OR10K2: variants seen among roughly 807,000 people sequenced by gnomAD.
OR10K2 encodes the protein olfactory receptor family 10 subfamily K member 2.
For synonymous variants in OR10K2, 169 were observed against 146.4 expected (o/e 1.15, Z -1.11); for missense variants, 401 against 367.1 (o/e 1.09, Z -0.76).
intron 1 of OR10K2, among the ~76,000 whole-genome samples, chr1:158,424,796 G>A (rs1450022005): frequency 2.0e-5 from 3 of 150,280 alleles, no homozygotes; most frequent in Admixed American, 1.3e-4. Flanking sequence ...TCTCCTTCCA[G>A]ATAAAGCTAT....
At position 158,420,070 on chromosome 1, in the gene OR10K2, T is replaced by A; in HGVS notation, c.797A>T (p.Tyr266Phe). 1 of 1,613,380 alleles carries A rather than the reference T, an allele frequency of 6.2e-7. No homozygotes were observed. The highest frequency in any genetic ancestry group is 8.5e-7 in the Non-Finnish European group (1 of 1,179,760). ...SFIYLRPQSN[Y>F]SSSQDALISV... is the part of the protein sequence containing the mutation. ...TATTAGAGCATCCTGGCTTGAGGAG[T>A]AGTTGGACTGAGGCCTTAAGTAGAT... The change falls in exon 2 of 2, where the codon TAC (tyrosine) becomes TTC (phenylalanine). Residue 266 changes from tyrosine (Y) to phenylalanine (F), a missense_variant. By Grantham distance (22) the Tyr-to-Phe change is conservative. Transcript: ENST00000641042.
Position 158,420,521 on chromosome 1 carries a change from C to A in OR10K2, c.346G>T (p.Ala116Ser), listed in dbSNP as rs146963480. ...FLGCSHSFLL[A>S]VMGYDRYIAI... ...ATGTAACGATCATAACCCATGACTG[C>A]CAGCAGAAAGGAGTGAGAGCAGCCA... The change falls in exon 2 of 2, where the codon GCA becomes TCA. Residue 116 changes from alanine (A) to serine (S), a missense_variant. Physicochemically the swap from Ala to Ser is moderately conservative, Grantham distance 99. Coordinates refer to ENST00000641042, the MANE Select transcript of OR10K2 (RefSeq NM_001004476.2). 103 of 1,613,776 alleles carry A rather than the reference C, an allele frequency of 6.4e-5. 2 individuals carry two copies. In the Middle Eastern group the frequency reaches 2.6e-3, roughly 41 times the overall value.
At chr1:158,423,364 A>C (rs765985372) in intron 1 of OR10K2, among the ~76,000 whole-genome samples, 6 of 151,818 alleles carry the variant, frequency 4.0e-5, no homozygotes, top group Non-Finnish European at 7.4e-5. Context: ...TCTCACAAGC[A>C]CATGTAAAGT....
At chr1:158,421,361 T>C (rs1409668576) in intron 1 of OR10K2, among the ~76,000 whole-genome samples, 2 of 152,128 alleles carry the variant, frequency 1.3e-5, no homozygotes, top group Non-Finnish European at 2.9e-5. Context: ...TTAGTTTTAG[T>C]CTCTCCATAA....
rs577870092 is a variant in OR10K2 at position 158,419,672 on chromosome 1, T to G, written c.*256A>C. ...CTCTGTCGCCCAGGCTGGAGTGCAG[T>G]GACACAATCTCACTGCAACCTTCTG... On this transcript the variant is annotated 3_prime_UTR_variant, in exon 2 of 2. Transcript: ENST00000641042. 146 of 307,260 alleles carry G rather than the reference T, an allele frequency of 4.8e-4. 3 individuals carry two copies. In the South Asian group the frequency reaches 8.4e-3, roughly 18 times the overall value. The allele number at this position is 307,260 out of a possible 1,614,324, so 19.0% of individuals were successfully genotyped here.
chr1:158,421,792 A>G (rs1655162324), intron 1 of OR10K2, among the ~76,000 whole-genome samples: 1 of 152,044 alleles, frequency 6.6e-6, no homozygotes, highest in South Asian at 2.1e-4. Context: ...TAGAGTTCAA[A>G]CTCTTCATTG....
rs1044854400 is a variant in OR10K2, at chr1:158,419,978, A to C, written c.889T>G (p.Phe297Val). 1.2e-6 allele frequency: 2 copies of C among 1,612,372 alleles called. No homozygotes were observed. Among genetic ancestry groups the C allele is most frequent in the Non-Finnish European group, 1.7e-6 (2 of 1,179,090 alleles). ...ACAATTTTACAAAGAGCTGATTTGA[A>C]CTCTTTATTTCTCAAGCTATAAATC... ...PMIYSLRNKE[F>V]KSALCKIVRR... Residue 297 changes from phenylalanine to valine, a missense_variant, in exon 2 of 2, where the codon TTC becomes GTC. Transcript: ENST00000641042.
At position 158,420,132 on chromosome 1, in the gene OR10K2, G is replaced by C. The variant is rs1342056060; in HGVS notation, c.735C>G (p.Leu245=). ...CKAFSTCVSH[L]IIVTVHYGCA... Reference sequence around the variant, plus strand: ...AGCCATAGTGGACAGTGACAATAATGAGGTGAGATACACAGGTAGAAAAAG... The same window carrying C: ...AGCCATAGTGGACAGTGACAATAATCAGGTGAGATACACAGGTAGAAAAAG... Residue 245 remains leucine (L), a synonymous_variant, in exon 2 of 2, where the codon CTC becomes CTG. Transcript: ENST00000641042. 1.4e-5 allele frequency: 22 copies of C among 1,613,760 alleles called. No homozygotes were observed. In the Middle Eastern group the frequency reaches 5.0e-4, roughly 36 times the overall value.
chr1:158,419,611 A>AC lies in OR10K2; in HGVS notation c.*316_*317insG, dbSNP rs1655102343. On this transcript the variant is annotated 3_prime_UTR_variant, in exon 2 of 2. Coordinates refer to ENST00000641042, the MANE Select transcript of OR10K2 (RefSeq NM_001004476.2). ...ACGGTTTGGAAAGAGCAGAATCAAG[A>AC]TTTTTTTTTTTTTTTTTTTTTGAGA... 2 of 124,328 alleles carry AC rather than the reference A, an allele frequency of 1.6e-5. No homozygotes were observed. Among genetic ancestry groups the AC allele is most frequent in the Non-Finnish European group, 3.3e-5 (2 of 61,372 alleles). 7.7% of individuals were successfully genotyped at this position (124,328 alleles called of 1,614,324 possible). A position where few individuals can be genotyped will look rare whatever the true frequency, so the allele number is the denominator to read the frequency against.
In OR10K2 at chr1:158,418,982, A is replaced by G. The variant is rs1175235464; in HGVS notation, c.*946T>C. 1 of 152,140 alleles carries G rather than the reference A, an allele frequency of 6.6e-6. No individual in the cohort carries two copies. Among genetic ancestry groups the G allele is most frequent in the African/African-American group, 2.4e-5 (1 of 41,448 alleles). The allele number at this position is 152,140 out of a possible 1,614,324, so 9.4% of individuals were successfully genotyped here. On this transcript the variant is annotated 3_prime_UTR_variant, in exon 2 of 2. Coordinates refer to ENST00000641042, the MANE Select transcript of OR10K2 (RefSeq NM_001004476.2). The stretch of plus-strand genomic sequence containing the variant: ...ATTTAGGGTGATTTTAGGTCTTGTC[A>G]TTAATCCATTCCCCTGTGAATATCT...
At chr1:158,424,687 C>T (rs568754261) in intron 1 of OR10K2, among the ~76,000 whole-genome samples, 1 of 151,544 alleles carries the variant, frequency 6.6e-6, no homozygotes, top group African/African-American at 2.4e-5. Flanking sequence ...TTTGGGGACT[C>T]CTCTTAAGTT....
At position 158,418,652 on chromosome 1, in the gene OR10K2, C is replaced by G. The variant is rs566277028; in HGVS notation, c.*1276G>C. On this transcript the variant is annotated 3_prime_UTR_variant, in exon 2 of 2. Coordinates refer to ENST00000641042, the MANE Select transcript of OR10K2 (RefSeq NM_001004476.2). ...CTAAAAGGTATATGTCATTGATGAACAGACTGGTGGAAGAAAAGGAAAAAA... is the reference window on the plus strand; with the variant it reads ...CTAAAAGGTATATGTCATTGATGAAGAGACTGGTGGAAGAAAAGGAAAAAA... The G allele has an allele frequency of 1.3e-5, 2 of 151,816 alleles. No individual in the cohort carries two copies. The highest frequency in any genetic ancestry group is 1.9e-4 in the East Asian group (1 of 5,160). The allele number at this position is 151,816 out of a possible 1,614,324, so 9.4% of individuals were successfully genotyped here. A position where few individuals can be genotyped will look rare whatever the true frequency, so the allele number is the denominator to read the frequency against.
At chr1:158,425,197 C>T (rs992076831) in intron 1 of OR10K2, among the ~76,000 whole-genome samples, 4 of 151,966 alleles carry the variant, frequency 2.6e-5, no homozygotes, top group African/African-American at 9.7e-5. Flanking sequence ...TTGTCTCTTA[C>T]TCAAGAGGTC....
Position 158,420,889 on chromosome 1 carries a change from A to C in OR10K2, c.-23T>G. On this transcript the variant is annotated 5_prime_UTR_variant, in exon 2 of 2. It adds an upstream start codon to the 5' untranslated region. Coordinates refer to ENST00000641042, the MANE Select transcript of OR10K2 (RefSeq NM_001004476.2). ...CATGGAGCATACATCATCAGGAGAC[A>C]ATTAGGGAGAGAAGAGGAGTCAGCA... The C allele has an allele frequency of 6.3e-7, 1 of 1,597,270 alleles. No homozygotes were observed.
chr1:158,425,049 G>A (rs1425587580), intron 1 of OR10K2, among the ~76,000 whole-genome samples: 8 of 152,006 alleles, frequency 5.3e-5, no homozygotes, highest in Non-Finnish European at 1.5e-5. Flanking sequence ...AATTGAAAAG[G>A]GGCAGAGAGC....
At chr1:158,423,288 A>AAATTCT (rs1655193348) in intron 1 of OR10K2, among the ~76,000 whole-genome samples, 1 of 148,594 alleles carries the variant, frequency 6.7e-6, no homozygotes, top group East Asian at 2.0e-4. Context: ...ATTAACTTTC[A>AAATTCT]AATTCTATAT....
chr1:158,425,388 G>A (rs1655232557), intron 1 of OR10K2, among the ~76,000 whole-genome samples: 1 of 152,074 alleles, frequency 6.6e-6, no homozygotes, highest in Non-Finnish European at 1.5e-5. Flanking sequence ...AGAAGAATGT[G>A]ATTTCCACAG....
intron 1 of OR10K2, among the ~76,000 whole-genome samples, chr1:158,422,441 G>T (rs1326505000): frequency 6.6e-6 from 1 of 151,984 alleles, no homozygotes; most frequent in East Asian, 1.9e-4. Flanking sequence ...ATCTGAAAGA[G>T]AAATCTCTGT....
Position 158,418,235 on chromosome 1 carries a change from TTGTC to T in OR10K2, c.*1689_*1692del, listed in dbSNP as rs1655077478. 1 of 152,230 alleles carries T rather than the reference TTGTC, an allele frequency of 6.6e-6. No individual in the cohort carries two copies. The highest frequency in any genetic ancestry group is 6.5e-5 in the Admixed American group (1 of 15,268). The allele number at this position is 152,230 out of a possible 1,614,324, so 9.4% of individuals were successfully genotyped here. A position where few individuals can be genotyped will look rare whatever the true frequency, so the allele number is the denominator to read the frequency against. ...CTCATTAGTAGGCAAGTCATTTTAT[TTGTC>T]TGAGTGTCATTTTTCTCATCTACAA... On this transcript the variant is annotated 3_prime_UTR_variant, in exon 2 of 2. Coordinates refer to ENST00000641042, the MANE Select transcript of OR10K2 (RefSeq NM_001004476.2).
Sources: gnomAD v4.1 joint callset for allele counts (sites outside exome capture counted in the v4.1 genomes callset) on GRCh38, gnomAD v4.1.1 for gene constraint, MANE v1.5 for transcripts, NCBI Gene and HGNC (gene_info 2026-07-23, HGNC 2026-07-21) for gene names.